The following ZNF727 variants were observed in gnomAD, a reference collection of about 807,000 sequenced individuals.
ZNF727 encodes the protein putative zinc finger protein 727.
In ZNF727, 11 loss-of-function variants were observed where a neutral mutation model predicts 11.5. That is an observed-to-expected ratio of 0.95 (90% CI 0.60 to 1.58). ZNF727 has a LOEUF of 1.58. ZNF727 is among the 40% of genes most tolerant of loss of function. The pLI is 0.00. For synonymous variants in ZNF727, 171 were observed against 196.1 expected, an observed-to-expected ratio of 0.87 and a Z score of 1.07; for missense variants, 533 against 581.7, an observed-to-expected ratio of 0.92 and a Z score of 0.86.
chr7:64,062,632 G>T (rs1348224297), intron 1 of ZNF727, among the ~76,000 whole-genome samples: 2 of 137,540 alleles, frequency 1.5e-5, no homozygotes, highest in African/African-American at 5.2e-5. Context: ...AGACCTTCAG[G>T]TGGTCATATT....
intron 1 of ZNF727, among the ~76,000 whole-genome samples, chr7:64,051,928 T>G (rs776765350): frequency 6.6e-6 from 1 of 152,210 alleles, no homozygotes; most frequent in Non-Finnish European, 1.5e-5. Context: ...TTTTTGTCAT[T>G]GCATTTTGGG....
At chr7:64,070,740 C>T (rs1789947328) in intron 3 of ZNF727, among the ~76,000 whole-genome samples, 1 of 151,978 alleles carries the variant, frequency 6.6e-6, no homozygotes, top group Non-Finnish European at 1.5e-5. Flanking sequence ...TATGTCTTTT[C>T]ACTGAAAATT....
chr7:64,068,603 G>A (rs1789907990), intron 1 of ZNF727, among the ~76,000 whole-genome samples: 1 of 152,052 alleles, frequency 6.6e-6, no homozygotes, highest in South Asian at 2.1e-4. Context: ...AGCTCATCTT[G>A]TATTATGTAA....
chr7:64,066,765 C>A (rs1789875687), intron 1 of ZNF727, among the ~76,000 whole-genome samples: 1 of 152,110 alleles, frequency 6.6e-6, no homozygotes, highest in Non-Finnish European at 1.5e-5. Context: ...GACTAAAACA[C>A]CAAAAGCAAT....
In ZNF727 at chr7:64,080,152, G is replaced by A. The variant is rs1198809733; in HGVS notation, c.*1603G>A. Among the ~76,000 whole-genome samples the A allele has an allele frequency of 1.3e-5, 2 of 151,790 alleles. No individual in the cohort carries two copies. The highest frequency in any genetic ancestry group is 2.9e-5 in the Non-Finnish European group (2 of 67,936). On this transcript the variant is annotated 3_prime_UTR_variant, in exon 4 of 4. Transcript: ENST00000456806. Reference sequence around the variant, plus strand: ...TATCTTGGGGATGACCTTCTCGTGGGGTATATTATTGGGGTTCTCCACATT... The same window carrying A: ...TATCTTGGGGATGACCTTCTCGTGGAGTATATTATTGGGGTTCTCCACATT...
At chr7:64,052,378 CTTTTTTTT>C (rs56215284) in intron 1 of ZNF727, among the ~76,000 whole-genome samples, 1 of 130,394 alleles carries the variant, frequency 7.7e-6, no homozygotes, top group Non-Finnish European at 1.6e-5. Flanking sequence ...ATTTCTCTCT[CTTTTTTTT>C]TTTTTTTTTT....
intron 1 of ZNF727, among the ~76,000 whole-genome samples, chr7:64,067,699 G>C (rs1789891928): frequency 6.6e-6 from 1 of 152,098 alleles, no homozygotes; most frequent in African/African-American, 2.4e-5. Context: ...AGAACATGTG[G>C]ACACAGGGAG....
chr7:64,070,083 G>A (rs1459273902), intron 3 of ZNF727, among the ~76,000 whole-genome samples: 1 of 151,946 alleles, frequency 6.6e-6, no homozygotes, highest in African/African-American at 2.4e-5. Context: ...AAAGATGTGT[G>A]CTTCCTGCTT....
rs1487180337 is a variant in ZNF727, at chr7:64,082,993, G to A, written c.*4444G>A. On this transcript the variant is annotated 3_prime_UTR_variant, in exon 4 of 4. Transcript: ENST00000456806. The stretch of plus-strand genomic sequence containing the variant: ...TTGGACTCTTCAAAGCCAGAAGGCT[G>A]GAACAGCTAAGTCACACAAACAGCA... Among the ~76,000 whole-genome samples the A allele has an allele frequency of 6.6e-6, 1 of 152,222 alleles. No homozygotes were observed. The highest frequency in any genetic ancestry group is 1.5e-5 in the Non-Finnish European group (1 of 68,046).
intron 1 of ZNF727, among the ~76,000 whole-genome samples, chr7:64,056,097 A>C (rs1037657799): frequency 1.3e-5 from 2 of 152,142 alleles, no homozygotes; most frequent in African/African-American, 4.8e-5. Context: ...CATGTGTGTG[A>C]AGTGGTATTT....
intron 1 of ZNF727, among the ~76,000 whole-genome samples, chr7:64,062,515 C>T (rs1283500511): frequency 6.6e-6 from 1 of 151,570 alleles, no homozygotes; most frequent in African/African-American, 2.4e-5. Flanking sequence ...AAGATTTCCA[C>T]TGAAGAGTCC....
At chr7:64,050,637 T>C (rs1789578907) in intron 1 of ZNF727, among the ~76,000 whole-genome samples, 1 of 152,178 alleles carries the variant, frequency 6.6e-6, no homozygotes, top group South Asian at 2.1e-4. Context: ...GCAAAAATCA[T>C]GTCAGCAAGA....
At chr7:64,061,320 G>A (rs1381756424) in intron 1 of ZNF727, among the ~76,000 whole-genome samples, 1 of 152,008 alleles carries the variant, frequency 6.6e-6, no homozygotes, top group African/African-American at 2.4e-5. Flanking sequence ...TCTCTCTTTA[G>A]CTCTAATATT....
Position 64,045,545 on chromosome 7 carries a change from A to G in ZNF727, c.-77A>G. ...CCATTAGCTCCTCGGTGACTCCACC[A>G]TAGCCCCTGTTATCCTGTGACCTGC... On this transcript the variant is annotated 5_prime_UTR_variant, in exon 1 of 4. Coordinates refer to ENST00000456806, the MANE Select transcript of ZNF727 (RefSeq NM_001159522.3). 7.8e-6 allele frequency: 12 copies of G among 1,543,492 alleles called. No homozygotes were observed. Among genetic ancestry groups the G allele is most frequent in the Non-Finnish European group, 1.1e-5 (12 of 1,139,506 alleles).
At position 64,080,118 on chromosome 7, in the gene ZNF727, A is replaced by ATGATTATG. The variant is rs1785763031; in HGVS notation, c.*1571_*1578dup. On this transcript the variant is annotated 3_prime_UTR_variant, in exon 4 of 4. Transcript: ENST00000456806. The stretch of plus-strand genomic sequence containing the variant: ...TCTCATTTTGACCTTGGAGAATCTC[A>ATGATTATG]TGATTATGTATCTTGGGGATGACCT... Among the ~76,000 whole-genome samples, 1 of 151,928 alleles carries ATGATTATG rather than the reference A, an allele frequency of 6.6e-6. No individual in the cohort carries two copies. Among genetic ancestry groups the ATGATTATG allele is most frequent in the Admixed American group, 6.6e-5 (1 of 15,250 alleles).
chr7:64,049,965 TTAGAC>T (rs1789565406), intron 1 of ZNF727, among the ~76,000 whole-genome samples: 2 of 151,784 alleles, frequency 1.3e-5, no homozygotes, highest in Non-Finnish European at 2.9e-5. Flanking sequence ...TCATGAAACA[TTAGAC>T]TAATACACTC....
intron 3 of ZNF727, among the ~76,000 whole-genome samples, chr7:64,070,466 G>A (rs1301903362): frequency 6.6e-6 from 1 of 151,876 alleles, no homozygotes; most frequent in Non-Finnish European, 1.5e-5. Context: ...ATATATGAAT[G>A]TGTATGACAG....
chr7:64,076,381 C>T (rs77499972), intron 3 of ZNF727, among the ~76,000 whole-genome samples: 19,116 of 152,036 alleles, frequency 0.13, 1,613 homozygotes, highest in Non-Finnish European at 0.19. Flanking sequence ...GTGGTCCAGG[C>T]GGGCGGATCA....
At chr7:64,051,406 C>T (rs1474165060) in intron 1 of ZNF727, among the ~76,000 whole-genome samples, 2 of 152,154 alleles carry the variant, frequency 1.3e-5, no homozygotes, top group African/African-American at 4.8e-5. Context: ...TCTCAGCTTA[C>T]CATCTGCCCA....
Sources: allele counts gnomAD v4.1 joint callset (sites outside exome capture counted in the v4.1 genomes callset), GRCh38; gene constraint gnomAD v4.1.1; transcripts MANE v1.5; gene names NCBI Gene and HGNC (gene_info 2026-07-23, HGNC 2026-07-21).